The following AP1G1 variants were observed in gnomAD, a reference collection of about 807,000 sequenced individuals.
AP1G1 encodes the protein AP-1 complex subunit gamma-1.
Under a neutral mutation model 108.3 loss-of-function variants are expected in AP1G1, and 7 were observed. The observed-to-expected ratio is 0.06, with a 90% confidence interval of 0.04 to 0.12. The LOEUF (loss-of-function observed/expected upper bound fraction) is 0.12. Among genes scored for constraint, AP1G1 ranks in the 10% least tolerant of loss-of-function variants. The probability of loss-of-function intolerance (pLI) is 1.00; values close to 1 mark genes in which losing one functional copy is unlikely to be tolerated. For missense variants in AP1G1, 756 were observed against 1,010.7 expected (o/e 0.75, Z 3.42); for synonymous variants, 379 against 353.5 (o/e 1.07, Z -0.81).
Position 71,745,561 on chromosome 16 carries a change from G to A in AP1G1, c.1784C>T (p.Pro595Leu). The A allele has an allele frequency of 1.2e-6, 2 of 1,614,156 alleles. No individual in the cohort carries two copies. Among genetic ancestry groups the A allele is most frequent in the Non-Finnish European group, 8.5e-7 (1 of 1,180,030 alleles). The change falls in exon 18 of 23, where the codon CCT becomes CTT. Residue 595 changes from proline (P) to leucine (L), a missense_variant. This residue lies in a region of AP1G1 where 357 missense variants were observed against 366.5 expected (regional missense o/e 0.97). Coordinates refer to ENST00000299980, the MANE Select transcript of AP1G1 (RefSeq NM_001128.6). ...PVMEKVTTNG[P>L]TEIVQTNGET... ...TCCATTTGTCTGCACAATCTCAGTAGGGCCATTTGTGGTCACTTTTTCCAT... is the reference window on the plus strand; with the variant it reads ...TCCATTTGTCTGCACAATCTCAGTAAGGCCATTTGTGGTCACTTTTTCCAT...
rs200812502 is a variant in AP1G1 at position 71,797,034 on chromosome 16, A to C, written c.-3-7552T>G. On this transcript the variant is annotated intron_variant, in intron 1 of 22. Transcript: ENST00000299980. ...AAAAAAATTATATATATATATATAT[A>C]TGTATGTATATGTATATAAGCATGA... 2.1e-5 allele frequency among the ~76,000 whole-genome samples: 3 copies of C among 146,086 alleles called. No individual in the cohort carries two copies. The South Asian group carries it at 6.4e-4, about 31-fold the overall frequency.
intron 1 of AP1G1, among the ~76,000 whole-genome samples, chr16:71,802,856 C>A (rs1329467509): frequency 6.6e-6 from 1 of 152,110 alleles, no homozygotes; most frequent in Non-Finnish European, 1.5e-5. Context: ...GCCACCAGGT[C>A]TGGCCAGCGA....
intron 6 of AP1G1, chr16:71,767,816 C>T: frequency 1.3e-6 from 2 of 1,538,390 alleles, no homozygotes; most frequent in South Asian, 1.1e-5. Context: ...TGGATCGATA[C>T]ACAAAAGCTA....
chr16:71,773,025 G>A lies in AP1G1; in HGVS notation c.468+196C>T, dbSNP rs779503338. ...TGGTATGCCACCTAGGATATATCCA[G>A]TAACATTTGTTTGTTTATAAATCAT... On this transcript the variant is annotated intron_variant, in intron 4 of 22. Transcript: ENST00000299980. 1.8e-5 allele frequency: 13 copies of A among 707,816 alleles called. No individual in the cohort carries two copies. In the South Asian group the frequency reaches 2.0e-4, roughly 11 times the overall value. The allele number at this position is 707,816 out of a possible 1,614,324, so 43.8% of individuals were successfully genotyped here.
rs2045474390 is a variant in AP1G1 at position 71,731,495 on chromosome 16, G to GT, written c.*1562dup. ...TAGTCATTATACTGTATTCAATACA[G>GT]TAACAATTGCAAACATTGTAAGAGC... On this transcript the variant is annotated 3_prime_UTR_variant, in exon 23 of 23. Transcript: ENST00000299980. 6.6e-6 allele frequency: 1 copy of GT among 152,592 alleles called. No individual in the cohort carries two copies. The highest frequency in any genetic ancestry group is 2.4e-5 in the African/African-American group (1 of 41,446). The allele number at this position is 152,592 out of a possible 1,614,324, so 9.5% of individuals were successfully genotyped here.
chr16:71,740,319 A>C (rs1354405858), intron 19 of AP1G1, among the ~76,000 whole-genome samples: 1 of 152,208 alleles, frequency 6.6e-6, no homozygotes, highest in African/African-American at 2.4e-5. Flanking sequence ...CAGTTGTAAC[A>C]ACCAAAAATA....
At chr16:71,788,348 C>A (rs1444362886) in intron 2 of AP1G1, among the ~76,000 whole-genome samples, 1 of 151,742 alleles carries the variant, frequency 6.6e-6, no homozygotes, top group South Asian at 2.1e-4. Context: ...ATAAAAAAAA[C>A]CCACTATTTC....
chr16:71,753,173 A>C (rs2030598594), intron 13 of AP1G1, among the ~76,000 whole-genome samples: 1 of 152,022 alleles, frequency 6.6e-6, no homozygotes, highest in African/African-American at 2.4e-5. Flanking sequence ...TTTCATTTTT[A>C]CTCTTAAATA....
In AP1G1 at chr16:71,758,793, C is replaced by A. The variant is rs12919271; in HGVS notation, c.1088+15G>T. The A allele has an allele frequency of 0.27, 393,483 of 1,467,534 alleles. 56,861 individuals are homozygous for A. The highest frequency in any genetic ancestry group is 0.3 in the Non-Finnish European group (319,074 of 1,060,940). 90.9% of individuals were successfully genotyped at this position (1,467,534 alleles called of 1,614,324 possible). A position where few individuals can be genotyped will look rare whatever the true frequency, so the allele number is the denominator to read the frequency against. ...ACCAAAAACACTAGACTGAGAAAGG[C>A]TCTCAGTTTGTTACCGTTTTATTGA... On this transcript the variant is annotated intron_variant, in intron 11 of 22. Coordinates refer to ENST00000299980, the MANE Select transcript of AP1G1 (RefSeq NM_001128.6).
chr16:71,753,601 ACTAACT>A, intron 13 of AP1G1: 1 of 513,212 alleles, frequency 1.9e-6, no homozygotes, highest in Non-Finnish European at 3.5e-6. Flanking sequence ...GACCTCCCTG[ACTAACT>A]CTAATCTAAA....
chr16:71,754,445 T>C (rs2030673806), intron 12 of AP1G1, among the ~76,000 whole-genome samples: 1 of 152,136 alleles, frequency 6.6e-6, no homozygotes, highest in Admixed American at 6.5e-5. Flanking sequence ...AGTGAACATA[T>C]CTGGAAACAT....
intron 6 of AP1G1, among the ~76,000 whole-genome samples, chr16:71,766,926 A>T (rs1472257648): frequency 6.6e-6 from 1 of 152,366 alleles, no homozygotes; most frequent in South Asian, 2.1e-4. Context: ...AATTCATTAA[A>T]TCTGTCAACT....
rs185374357 is a variant in AP1G1, at chr16:71,766,053, T to C, written c.643-469A>G. ...TAGCTTTAAAACATACAACCTCAAA[T>C]AGAGAAAAAAATCTCTTCTCTTAAG... On this transcript the variant is annotated intron_variant, in intron 6 of 22. Transcript: ENST00000299980. Among the ~76,000 whole-genome samples the C allele has an allele frequency of 2.5e-3, 374 of 152,062 alleles. 1 individual carries two copies. Among genetic ancestry groups the C allele is most frequent in the Non-Finnish European group, 4.0e-3 (272 of 67,970 alleles).
At chr16:71,761,599 G>A (rs1257142705) in intron 9 of AP1G1, 32 bp from the exon 10 acceptor site, 2 of 1,514,650 alleles carry the variant, frequency 1.3e-6, no homozygotes, top group Non-Finnish European at 1.8e-6. Flanking sequence ...CGAAATTTAG[G>A]AAAATGGAAG....
At chr16:71,803,923 C>CAA (rs534074123) in intron 1 of AP1G1, among the ~76,000 whole-genome samples, 11,657 of 73,420 alleles carry the variant, frequency 0.16, 770 homozygotes, top group South Asian at 0.41. Context: ...GACTCCGTCT[C>CAA]AAAAAAAAAA....
At chr16:71,768,963 T>A (rs1597063363) in intron 6 of AP1G1, among the ~76,000 whole-genome samples, 2 of 44,044 alleles carry the variant, frequency 4.5e-5, no homozygotes, top group East Asian at 3.4e-3. Flanking sequence ...AATTCCTGCC[T>A]TTAAAAAAAA....
chr16:71,787,436 AGCC>A (rs2032245744), intron 2 of AP1G1, among the ~76,000 whole-genome samples: 1 of 152,072 alleles, frequency 6.6e-6, no homozygotes, highest in Non-Finnish European at 1.5e-5. Context: ...GGTGACAGTG[AGCC>A]ATCACAGAGC....
intron 9 of AP1G1, among the ~76,000 whole-genome samples, chr16:71,762,118 G>A (rs1217436234): frequency 2.6e-5 from 4 of 152,012 alleles, no homozygotes; most frequent in South Asian, 2.1e-4. Flanking sequence ...CTAAAACTCC[G>A]TTAATAGCAA....
chr16:71,750,921 C>G (rs1002249242), intron 13 of AP1G1, among the ~76,000 whole-genome samples: 4 of 151,500 alleles, frequency 2.6e-5, no homozygotes, highest in African/African-American at 9.7e-5. Context: ...CTTTGGGAGG[C>G]CAAGGCGGGT....
Sources: allele counts gnomAD v4.1 joint callset (sites outside exome capture counted in the v4.1 genomes callset), GRCh38; gene constraint gnomAD v4.1.1; regional missense constraint gnomAD v4.1.1; transcripts MANE v1.5; gene names NCBI Gene and HGNC (gene_info 2026-07-23, HGNC 2026-07-21).